The following IARS2 variants were observed in gnomAD, a reference collection of about 807,000 sequenced individuals.
The protein encoded by IARS2 is isoleucyl-tRNA synthetase 2, mitochondrial.
A neutral mutation model predicts 126.3 loss-of-function variants in IARS2; 56 were observed. That is an observed-to-expected ratio of 0.44 (90% CI 0.36 to 0.55). IARS2 has a LOEUF of 0.55. IARS2 is among the 20% of genes least tolerant of loss of function. The pLI is 0.00. For synonymous variants in IARS2, 407 were observed against 441.1 expected (o/e 0.92, Z 0.97); for missense variants, 1,127 against 1,245.9 (o/e 0.90, Z 1.44).
In IARS2 at chr1:220,094,274, A is replaced by G; in HGVS notation, c.58A>G (p.Ser20Gly). 6.2e-7 allele frequency: 1 copy of G among 1,609,064 alleles called. No homozygotes were observed. The highest frequency in any genetic ancestry group is 8.5e-7 in the Non-Finnish European group (1 of 1,177,956). ...CGCGGCCGCCCTGGCCACTGCCCGA[A>G]GTTTGTGGGGGACGCCCCGCCTTCC... ...PGAAALATAR[S>G]LWGTPRLPCS... Residue 20 changes from serine to glycine, a missense_variant, in exon 1 of 23, where the codon AGT (serine) becomes GGT (glycine). Ser to Gly is a moderately conservative substitution (Grantham distance 56, BLOSUM62 0). Transcript: ENST00000366922.
rs374904870 is a variant in IARS2 at position 220,102,430 on chromosome 1, G to A, written c.749+18G>A. 4.3e-5 allele frequency: 70 copies of A among 1,612,464 alleles called. No individual in the cohort carries two copies. The highest frequency in any genetic ancestry group is 3.5e-4 in the South Asian group (32 of 90,696). ...TCATCTAGGTATATATGCATTTTTC[G>A]GTAATTAAAAGGGAGAAATTTGTGA... On this transcript the variant is annotated intron_variant, in intron 5 of 22. Transcript: ENST00000366922.
In IARS2 at chr1:220,097,402, C is replaced by T. The variant is rs534372869; in HGVS notation, c.390+1176C>T. 3.5e-5 allele frequency among the ~76,000 whole-genome samples: 5 copies of T among 141,410 alleles called. No individual in the cohort carries two copies. The East Asian group carries it at 8.3e-4, about 24-fold the overall frequency. The allele number at this position is 141,410 out of a possible 152,430, so 92.8% of individuals were successfully genotyped here. A position where few individuals can be genotyped will look rare whatever the true frequency, so the allele number is the denominator to read the frequency against. On this transcript the variant is annotated intron_variant, in intron 2 of 22. Coordinates refer to ENST00000366922, the MANE Select transcript of IARS2 (RefSeq NM_018060.4). The stretch of plus-strand genomic sequence containing the variant: ...TTTTTGAGACAGAGTCTTGTACTGT[C>T]GCCCGGACTGGAGTGCAGTGGTGCA...
intron 19 of IARS2, 52 bp downstream of exon 19, chr1:220,140,341 C>T (rs1162100418): frequency 1.8e-6 from 2 of 1,122,664 alleles, no homozygotes; most frequent in Non-Finnish European, 2.7e-6. Flanking sequence ...TGTGGTGACT[C>T]ACGCCTGTAA....
chr1:220,094,863 C>T (rs1196523973), intron 1 of IARS2, among the ~76,000 whole-genome samples: 1 of 151,992 alleles, frequency 6.6e-6, no homozygotes, highest in Non-Finnish European at 1.5e-5. Flanking sequence ...CCAGGCTGGG[C>T]GCAGTGGCTC....
At chr1:220,113,932 TC>T (rs1656863103) in intron 11 of IARS2, among the ~76,000 whole-genome samples, 1 of 152,234 alleles carries the variant, frequency 6.6e-6, no homozygotes, top group Non-Finnish European at 1.5e-5. Flanking sequence ...ATGGTGGAAA[TC>T]AAGTTTGAAT....
intron 14 of IARS2, among the ~76,000 whole-genome samples, chr1:220,129,376 ATCTTC>A (rs149114164): frequency 0.051 from 7,829 of 152,220 alleles, 242 homozygotes; most frequent in East Asian, 0.11. Flanking sequence ...AACATTTTAT[ATCTTC>A]TCTTCTAGTT....
rs1437017482 is a variant in IARS2, at chr1:220,137,970, C to T, written c.2102C>T (p.Ala701Val). 2.5e-6 allele frequency: 4 copies of T among 1,613,978 alleles called. No individual in the cohort carries two copies. The highest frequency in any genetic ancestry group is 2.7e-5 in the African/African-American group (2 of 74,900). ...GCTGATGTCCTTCGCTGGTGGGTAGCTGATTCCAATGTCTTCACCGAAGTT... is the reference window on the plus strand; with the variant it reads ...GCTGATGTCCTTCGCTGGTGGGTAGTTGATTCCAATGTCTTCACCGAAGTT... ...YGADVLRWWV[A>V]DSNVFTEVAI... The change falls in exon 17 of 23, where the codon GCT (alanine) becomes GTT (valine). Residue 701 changes from alanine (A) to valine (V), a missense_variant. Ala to Val is a moderately conservative substitution (Grantham distance 64). Coordinates refer to ENST00000366922, the MANE Select transcript of IARS2 (RefSeq NM_018060.4).
Position 220,110,802 on chromosome 1 carries a change from G to T in IARS2, c.1344G>T (p.Gln448His), listed in dbSNP as rs1407626163. 2.5e-6 allele frequency: 4 copies of T among 1,605,670 alleles called. No homozygotes were observed. Among genetic ancestry groups the T allele is most frequent in the Non-Finnish European group, 3.4e-6 (4 of 1,174,602 alleles). ...TTTTTAAAGTTATAAAGATGCTTCA[G>T]ACTGCAAAGAATTTGTTGAAAGAGG... ...EGTDVVIKMLQTAKNLLKEEK... is the reference protein window; with the variant it reads ...EGTDVVIKMLHTAKNLLKEEK... The change falls in exon 11 of 23, where the codon CAG becomes CAT. Residue 448 changes from glutamine to histidine, a missense_variant. Gln to His is a conservative substitution (Grantham distance 24). Coordinates refer to ENST00000366922, the MANE Select transcript of IARS2 (RefSeq NM_018060.4).
intron 22 of IARS2, among the ~76,000 whole-genome samples, chr1:220,146,890 T>C (rs558928611): frequency 3.6e-3 from 548 of 152,296 alleles, no homozygotes; most frequent in Non-Finnish European, 6.0e-3. Flanking sequence ...CAGGCTGGTC[T>C]TGAACTCCTG....
chr1:220,143,972 C>T (rs924570249), intron 21 of IARS2: 30 of 1,465,866 alleles, frequency 2.0e-5, no homozygotes, highest in Non-Finnish European at 2.7e-5. Context: ...AAAAAGAATC[C>T]CAGGATTTTC....
chr1:220,099,229 AAAG>A (rs1358628194), intron 2 of IARS2, among the ~76,000 whole-genome samples: 1 of 113,596 alleles, frequency 8.8e-6, no homozygotes, highest in Non-Finnish European at 1.7e-5. Flanking sequence ...AAAAAAAAAA[AAAG>A]AAATAAATAT....
intron 12 of IARS2, among the ~76,000 whole-genome samples, chr1:220,117,598 C>G (rs1656953123): frequency 6.6e-6 from 1 of 151,950 alleles, no homozygotes; most frequent in Admixed American, 6.6e-5. Flanking sequence ...CCTCTGGACT[C>G]TGAGGTGGAT....
intron 22 of IARS2, 143 bp downstream of exon 22, chr1:220,145,796 T>A: frequency 1.4e-6 from 1 of 713,650 alleles, no homozygotes; most frequent in Non-Finnish European, 2.2e-6. Context: ...TAAAAACAAT[T>A]GCCAAGTTTC....
At chr1:220,136,956 T>G (rs1657389790) in intron 16 of IARS2, 45 bp downstream of exon 16, 6 of 1,231,860 alleles carry the variant, frequency 4.9e-6, no homozygotes, top group Non-Finnish European at 5.9e-6. Context: ...TTTAAGGATC[T>G]TAAATTGGCA....
intron 21 of IARS2, 130 bp downstream of exon 21, chr1:220,143,264 T>C (rs1265962014): frequency 6.0e-6 from 3 of 499,954 alleles, no homozygotes; most frequent in Non-Finnish European, 1.0e-5. Flanking sequence ...GCAATTATTC[T>C]ATTATGTTCC....
intron 12 of IARS2, among the ~76,000 whole-genome samples, chr1:220,119,157 G>T (rs1485764097): frequency 1.3e-5 from 2 of 152,126 alleles, no homozygotes; most frequent in South Asian, 4.2e-4. Flanking sequence ...GCCTCATTCC[G>T]GTTGATATCG....
chr1:220,095,302 G>C (rs574915998), intron 1 of IARS2, among the ~76,000 whole-genome samples: 9 of 152,138 alleles, frequency 5.9e-5, no homozygotes, highest in Non-Finnish European at 1.2e-4. Flanking sequence ...GCCTCCCAAA[G>C]TGCTGGGATT....
intron 12 of IARS2, among the ~76,000 whole-genome samples, chr1:220,117,641 G>A (rs962917894): frequency 6.6e-6 from 1 of 152,038 alleles, no homozygotes; most frequent in Non-Finnish European, 1.5e-5. Context: ...TAGCAAACTG[G>A]TTTAATTGAT....
chr1:220,104,611 C>G (rs981880650), intron 8 of IARS2, among the ~76,000 whole-genome samples: 2 of 152,162 alleles, frequency 1.3e-5, no homozygotes, highest in Non-Finnish European at 2.9e-5. Flanking sequence ...TCTTGAACTC[C>G]TGGCCTCAAG....
Sources: gnomAD v4.1 joint callset for allele counts (sites outside exome capture counted in the v4.1 genomes callset) on GRCh38, gnomAD v4.1.1 for gene constraint, MANE v1.5 for transcripts, NCBI Gene and HGNC (gene_info 2026-07-23, HGNC 2026-07-21) for gene names.